The following RUFY4 variants were observed in gnomAD, a reference collection of about 807,000 sequenced individuals.
The protein encoded by RUFY4 is RUN and FYVE domain-containing protein 4.
A neutral mutation model predicts 69.0 loss-of-function variants in RUFY4; 73 were observed. That is an observed-to-expected ratio of 1.06 (90% confidence interval 0.88 to 1.29). The LOEUF (loss-of-function observed/expected upper bound fraction) is 1.29, where lower values mean the gene tolerates loss of function less well. Among genes scored for constraint, RUFY4 ranks in the 50% most tolerant of loss-of-function variants. The pLI, the probability that RUFY4 is intolerant of heterozygous loss-of-function variation, is 0.00. For synonymous variants in RUFY4, 287 were observed against 271.8 expected, an observed-to-expected ratio of 1.06 and a Z score of -0.55; for missense variants, 770 against 705.6, an observed-to-expected ratio of 1.09 and a Z score of -1.03.
upstream of RUFY4, among the ~76,000 whole-genome samples, chr2:218,069,879 G>T (rs1211139119): frequency 6.6e-6 from 1 of 152,136 alleles, no homozygotes; most frequent in African/African-American, 2.4e-5. Context: ...CAGGACCCAT[G>T]GGGAGGAGAA....
exon 7 of RUFY4, chr2:218,075,417 G>A (rs1321216436): frequency 1.2e-6 from 2 of 1,612,928 alleles, no homozygotes; most frequent in African/African-American, 2.7e-5. Flanking sequence ...TCAGAAGGAG[G>A]TGATAGGGAT....
At chr2:218,075,251 G>T (rs764362009) in exon 7 of RUFY4, 1 of 1,576,242 alleles carries the variant, frequency 6.3e-7, no homozygotes, top group South Asian at 1.2e-5. Context: ...AAAAGAAGGG[G>T]GAAAGTTCCA....
At chr2:218,036,423 A>T (rs78766002) in intron 2 of RUFY4, among the ~76,000 whole-genome samples, 1 of 150,552 alleles carries the variant, frequency 6.6e-6, no homozygotes, top group African/African-American at 2.5e-5. Context: ...CTAGCATCCT[A>T]CGACTGGGTT....
intron 2 of RUFY4, among the ~76,000 whole-genome samples, chr2:218,071,899 G>A (rs1187458846): frequency 6.6e-6 from 1 of 152,170 alleles, no homozygotes; most frequent in African/African-American, 2.4e-5. Context: ...CCCTGGGGCT[G>A]TGCTTTACTT....
intron 2 of RUFY4, among the ~76,000 whole-genome samples, chr2:218,039,966 C>G (rs372221579): frequency 6.6e-6 from 1 of 151,464 alleles, no homozygotes; most frequent in Admixed American, 6.6e-5. Flanking sequence ...CACCTCCTTC[C>G]CACTGGATTG....
intron 2 of RUFY4, among the ~76,000 whole-genome samples, chr2:218,053,925 C>G (rs75232374): frequency 0.019 from 2,962 of 152,298 alleles, 103 homozygotes; most frequent in African/African-American, 0.068. Flanking sequence ...AATGACAAGC[C>G]TGAGACACCG....
chr2:218,082,055 G>A lies in RUFY4; in HGVS notation c.1356-1055G>A, dbSNP rs564888658. 2.6e-5 allele frequency among the ~76,000 whole-genome samples: 4 copies of A among 152,264 alleles called. No individual in the cohort carries two copies. The South Asian group carries it at 8.3e-4, about 32-fold the overall frequency. On this transcript the variant is annotated intron_variant, in intron 8 of 10. Transcript: ENST00000344321. Reference sequence around the variant, plus strand: ...GCAACGCCCTCCCAGCTGAGCCAGGGGCCTCCCAACTGAGCCAGAGGCTGG... The same window carrying A: ...GCAACGCCCTCCCAGCTGAGCCAGGAGCCTCCCAACTGAGCCAGAGGCTGG...
upstream of RUFY4, chr2:218,068,776 C>G (rs1481923388): frequency 6.6e-6 from 1 of 152,380 alleles, no homozygotes. Context: ...GAGATCAGGA[C>G]TAGGGATTCG....
chr2:218,055,122 C>T (rs1406813649), intron 2 of RUFY4, among the ~76,000 whole-genome samples: 1 of 152,178 alleles, frequency 6.6e-6, no homozygotes, highest in Non-Finnish European at 1.5e-5. Flanking sequence ...AGGCGAAGCA[C>T]ATTGGCTCAT....
intron 5 of RUFY4, among the ~76,000 whole-genome samples, chr2:218,073,612 G>A (rs1184766734): frequency 6.6e-6 from 1 of 152,216 alleles, no homozygotes; most frequent in Non-Finnish European, 1.5e-5. Flanking sequence ...GGTTGAGGTG[G>A]AGGGCTGGAG....
intron 2 of RUFY4, among the ~76,000 whole-genome samples, chr2:218,041,164 A>G (rs1403679258): frequency 6.6e-6 from 1 of 152,086 alleles, no homozygotes; most frequent in Non-Finnish European, 1.5e-5. Context: ...CATTCATTGG[A>G]TAATCTATTA....
chr2:218,073,033 C>T, intron 4 of RUFY4, 148 bp downstream of exon 6: 3 of 943,940 alleles, frequency 3.2e-6, no homozygotes, highest in Non-Finnish European at 3.1e-6. Flanking sequence ...GGAGAAAGGG[C>T]AGAGGGAGGT....
At chr2:218,057,091 A>G (rs952096352) in intron 2 of RUFY4, among the ~76,000 whole-genome samples, 11 of 152,042 alleles carry the variant, frequency 7.2e-5, no homozygotes, top group African/African-American at 2.2e-4. Flanking sequence ...AAAAAAAAAA[A>G]AAAGAGAGAG....
intron 2 of RUFY4, among the ~76,000 whole-genome samples, chr2:218,042,133 C>A (rs927212014): frequency 1.3e-5 from 2 of 152,164 alleles, no homozygotes; most frequent in African/African-American, 4.8e-5. Flanking sequence ...GGAACCACCA[C>A]ATGAGAGACT....
intron 3 of RUFY4, chr2:218,060,360 C>T (rs896482751): frequency 1.4e-5 from 21 of 1,543,880 alleles, no homozygotes; most frequent in East Asian, 2.2e-5. Context: ...TGGAAGTGTG[C>T]CCTGAAGAAG....
intron 2 of RUFY4, among the ~76,000 whole-genome samples, chr2:218,043,736 C>T (rs926680794): frequency 3.9e-5 from 6 of 152,182 alleles, no homozygotes; most frequent in Non-Finnish European, 7.4e-5. Context: ...GACTGGCAGC[C>T]CAGCCCCCAG....
chr2:218,046,461 T>C (rs955093204), intron 2 of RUFY4, among the ~76,000 whole-genome samples: 1 of 152,154 alleles, frequency 6.6e-6, no homozygotes. Flanking sequence ...AGTGCTTAAC[T>C]TTCGGTTCCT....
chr2:218,045,808 AT>A (rs35070780), intron 2 of RUFY4, among the ~76,000 whole-genome samples: 14,772 of 146,442 alleles, frequency 0.1, 2,189 homozygotes, highest in African/African-American at 0.33. Flanking sequence ...GTACATAGTG[AT>A]TTTTTTTTTT....
At chr2:218,072,807 C>A (rs891597474) in exon 4 of RUFY4, 3 of 1,535,116 alleles carry the variant, frequency 2.0e-6, no homozygotes, top group African/African-American at 1.4e-5. Flanking sequence ...AAAGGCCGTG[C>A]CTTCATCCGC....
Sources: gnomAD v4.1 joint callset for allele counts (sites outside exome capture counted in the v4.1 genomes callset) on GRCh38, gnomAD v4.1.1 for gene constraint, MANE v1.5 for transcripts, NCBI Gene and HGNC (gene_info 2026-07-23, HGNC 2026-07-21) for gene names.